The following PTPN5 variants were observed in gnomAD, a reference collection of about 807,000 sequenced individuals.
PTPN5 encodes the protein tyrosine-protein phosphatase non-receptor type 5.
A neutral mutation model predicts 73.9 loss-of-function variants in PTPN5; 29 were observed. The ratio of observed to expected loss-of-function variants is 0.39; its 90% CI spans 0.29 to 0.54. The LOEUF (loss-of-function observed/expected upper bound fraction) is 0.54. PTPN5 is among the 20% of genes least tolerant of loss of function. The probability of loss-of-function intolerance (pLI) is 0.65; values close to 1 mark genes in which losing one functional copy is unlikely to be tolerated. For synonymous variants in PTPN5, 267 were observed against 304.7 expected (o/e 0.88, Z 1.29); for missense variants, 652 against 751.4 (o/e 0.87, Z 1.55).
rs1385088766 is a variant in PTPN5 at position 18,733,171 on chromosome 11, G to A, written c.1218+64C>T. 1.3e-6 allele frequency: 2 copies of A among 1,570,990 alleles called. No individual in the cohort carries two copies. The highest frequency in any genetic ancestry group is 1.7e-6 in the Non-Finnish European group (2 of 1,151,856). ...GAGATTGTCATAAAGATTAATTTGA[G>A]AACAAGATACTTAGTGTAGGGCGCA... On this transcript the variant is annotated intron_variant, in intron 11 of 14. Coordinates refer to ENST00000358540, the MANE Select transcript of PTPN5 (RefSeq NM_006906.2). The surrounding 1 kb of genome is among the most constrained non-coding windows in gnomAD (Gnocchi z 4.3).
chr11:18,746,101 GT>G (rs1022476178), intron 3 of PTPN5, among the ~76,000 whole-genome samples: 4 of 140,324 alleles, frequency 2.9e-5, no homozygotes, highest in African/African-American at 7.9e-5. Context: ...CTTTTACTCA[GT>G]TTTTTTTGCC....
chr11:18,781,312 T>A (rs1414954149), intron 1 of PTPN5, among the ~76,000 whole-genome samples: 1 of 124,144 alleles, frequency 8.1e-6, no homozygotes, highest in East Asian at 2.9e-4. Flanking sequence ...CAGACTGTCT[T>A]TTTTTGACCA....
chr11:18,761,044 G>A (rs1466892838), intron 3 of PTPN5, among the ~76,000 whole-genome samples: 5 of 152,232 alleles, frequency 3.3e-5, no homozygotes, highest in African/African-American at 1.2e-4. Flanking sequence ...TGTGGACCAA[G>A]CTTGAACATA....
chr11:18,787,199 A>G (rs753601000), intron 1 of PTPN5, among the ~76,000 whole-genome samples: 6 of 152,172 alleles, frequency 3.9e-5, no homozygotes, highest in Non-Finnish European at 8.8e-5. Context: ...AAGTTATCTG[A>G]GCTTTATTAT....
chr11:18,784,664 T>C (rs868003114), intron 1 of PTPN5, among the ~76,000 whole-genome samples: 7 of 152,086 alleles, frequency 4.6e-5, no homozygotes, highest in Admixed American at 1.3e-4. Context: ...TATGTGTATT[T>C]TACCACAATT....
chr11:18,759,572 G>A (rs1850300716), intron 3 of PTPN5, among the ~76,000 whole-genome samples: 2 of 152,168 alleles, frequency 1.3e-5, no homozygotes, highest in Admixed American at 6.5e-5. Context: ...ACAGAATACT[G>A]CCCAGTTAGT....
At chr11:18,747,152 A>AT (rs10618446) in intron 3 of PTPN5, among the ~76,000 whole-genome samples, 2,491 of 148,190 alleles carry the variant, frequency 0.017, 59 homozygotes, top group African/African-American at 0.054. Context: ...ACTTGGCTGC[A>AT]TTTTTTTTTT....
intron 12 of PTPN5, among the ~76,000 whole-genome samples, chr11:18,731,925 G>T (rs1340080909): frequency 2.0e-5 from 3 of 152,104 alleles, no homozygotes; most frequent in Non-Finnish European, 2.9e-5. Context: ...CTAAACATGG[G>T]TCTTATTTCT....
Position 18,765,839 on chromosome 11 carries a change from G to A in PTPN5, c.65C>T (p.Ala22Val). The A allele has an allele frequency of 1.3e-6, 2 of 1,582,020 alleles. No individual in the cohort carries two copies. The highest frequency in any genetic ancestry group is 1.7e-6 in the Non-Finnish European group (2 of 1,163,420). ...NHAADDSEGG[A>V]LDMCCSERLP... ...CCTCTCACTGCAGCACATGTCCAGG[G>A]CCCCTCCCTCGGAGTCATCAGCAGC... The change falls in exon 3 of 15, where the codon GCC becomes GTC. Residue 22 changes from alanine (A) to valine (V), a missense_variant. Transcript: ENST00000358540.
At chr11:18,773,212 C>T (rs893921102) in intron 1 of PTPN5, among the ~76,000 whole-genome samples, 6 of 151,486 alleles carry the variant, frequency 4.0e-5, no homozygotes, top group South Asian at 2.1e-4. Flanking sequence ...TTGGGAGAGG[C>T]GGCTTGGCTG....
At chr11:18,731,269 T>G (rs957247961) in intron 12 of PTPN5, among the ~76,000 whole-genome samples, 2 of 150,694 alleles carry the variant, frequency 1.3e-5, no homozygotes, top group Admixed American at 6.6e-5. Flanking sequence ...ATACATATCC[T>G]ATATTCATCC....
chr11:18,740,933 C>G, intron 7 of PTPN5, 141 bp from the exon 8 acceptor site: 1 of 466,060 alleles, frequency 2.1e-6, no homozygotes, highest in South Asian at 7.4e-5. Flanking sequence ...GGGAGTGTGA[C>G]AAGACCCCCT....
chr11:18,777,909 C>T (rs1205630512), intron 1 of PTPN5, among the ~76,000 whole-genome samples: 6 of 151,592 alleles, frequency 4.0e-5, no homozygotes, highest in Non-Finnish European at 7.4e-5. Flanking sequence ...CGCACCACTG[C>T]ATTTCAGCCC....
Position 18,737,953 on chromosome 11 carries a change from C to G in PTPN5, c.927G>C (p.Met309Ile). The G allele has an allele frequency of 6.2e-7, 1 of 1,614,146 alleles. No homozygotes were observed. Among genetic ancestry groups the G allele is most frequent in the South Asian group, 1.1e-5 (1 of 91,084 alleles). ...LLQAEFFEIP[M>I]NFVDPKEYDI... ...CGTACTCTTTCGGATCCACAAAGTT[C>G]ATGGGGATTTCCTGTGGAAGGAGGA... Residue 309 changes from methionine to isoleucine, a missense_variant, in exon 9 of 15, where the codon ATG becomes ATC. By Grantham distance (10) the Met-to-Ile change is conservative. Around this residue, in one of 3 missense-constraint regions of PTPN5, gnomAD observed 529 missense variants for 573.9 expected, o/e 0.92. Transcript: ENST00000358540.
intron 3 of PTPN5, among the ~76,000 whole-genome samples, chr11:18,751,474 G>A (rs1395629888): frequency 6.6e-6 from 1 of 152,194 alleles, no homozygotes; most frequent in South Asian, 2.1e-4. Context: ...TTGGAGTTCT[G>A]GGAATTTGTA....
intron 1 of PTPN5, among the ~76,000 whole-genome samples, chr11:18,775,089 G>GAACGTACT (rs1851082457): frequency 6.6e-6 from 1 of 152,198 alleles, no homozygotes; most frequent in Non-Finnish European, 1.5e-5. Flanking sequence ...GCCCCTGGAG[G>GAACGTACT]AACGTACTAA....
chr11:18,790,707 G>C (rs1433021039), intron 1 of PTPN5, among the ~76,000 whole-genome samples: 1 of 152,092 alleles, frequency 6.6e-6, no homozygotes, highest in Non-Finnish European at 1.5e-5. Flanking sequence ...GTGAATTTTG[G>C]GGTTCTGGGG....
intron 3 of PTPN5, among the ~76,000 whole-genome samples, chr11:18,746,162 A>AATAT (rs773490900): frequency 0.084 from 5,650 of 67,500 alleles, 324 homozygotes; most frequent in East Asian, 0.12. Context: ...TATAAATATA[A>AATAT]ATATATATAT....
At chr11:18,744,585 G>A (rs1435525074) in intron 3 of PTPN5, among the ~76,000 whole-genome samples, 1 of 151,598 alleles carries the variant, frequency 6.6e-6, no homozygotes, top group Admixed American at 6.6e-5. Context: ...ACCAGGCCAT[G>A]ACCCTGAGCA....
Sources: allele counts gnomAD v4.1 joint callset (sites outside exome capture counted in the v4.1 genomes callset), GRCh38; gene constraint gnomAD v4.1.1; regional missense constraint gnomAD v4.1.1; non-coding constraint Gnocchi (gnomAD v3.1); transcripts MANE v1.5; gene names NCBI Gene and HGNC (gene_info 2026-07-23, HGNC 2026-07-21).